Variants in RP1 observed in about 807,000 individuals in gnomAD.
RP1 encodes RP1 axonemal microtubule associated, also known as oxygen-regulated protein 1.
In RP1, 16 loss-of-function variants were observed where a neutral mutation model predicts 14.8. That is an observed-to-expected ratio of 1.08 (90% CI 0.73 to 1.65). RP1 has a LOEUF of 1.65. RP1 is among the 40% of genes most tolerant of loss of function. RP1 has a pLI of 0.00. For synonymous variants in RP1, 876 were observed against 883.6 expected (o/e 0.99, Z 0.15); for missense variants, 2,631 against 2,535.0 (o/e 1.04, Z -0.81).
intron 25 of RP1, among the ~76,000 whole-genome samples, chr8:54,843,642 T>TA (rs141585872): frequency 9.2e-5 from 14 of 152,318 alleles, no homozygotes; most frequent in African/African-American, 3.1e-4. Context: ...GAGAAAGCAC[T>TA]AAAACGGTTC....
chr8:54,727,468 G>A (rs568513015), intron 17 of RP1, among the ~76,000 whole-genome samples: 8 of 152,134 alleles, frequency 5.3e-5, no homozygotes, highest in Admixed American at 5.2e-4. Context: ...AATCCCTGGG[G>A]GATAGATACT....
At chr8:54,764,700 C>CA (rs1809720169) in intron 22 of RP1, among the ~76,000 whole-genome samples, 1 of 152,134 alleles carries the variant, frequency 6.6e-6, no homozygotes, top group African/African-American at 2.4e-5. Flanking sequence ...TAAATTCAAC[C>CA]AAAATGCATG....
chr8:54,612,393 A>G (rs1472406005), upstream of RP1, among the ~76,000 whole-genome samples: 3 of 152,254 alleles, frequency 2.0e-5, no homozygotes, highest in African/African-American at 7.2e-5. Context: ...AGTAGTCACT[A>G]TAGCACTAAT....
At chr8:54,741,749 A>ATATATATG (rs1809103969) in intron 19 of RP1, among the ~76,000 whole-genome samples, 1 of 130,618 alleles carries the variant, frequency 7.7e-6, no homozygotes. Context: ...ATATATATAT[A>ATATATATG]TGTTTATATG....
chr8:54,836,850 T>C (rs914798440), intron 24 of RP1, among the ~76,000 whole-genome samples: 7 of 139,462 alleles, frequency 5.0e-5, no homozygotes, highest in Admixed American at 2.1e-4. Context: ...ATGCAGTACA[T>C]AATTGATCAA....
intron 1 of RP1, among the ~76,000 whole-genome samples, chr8:54,570,440 A>C (rs1240256165): frequency 6.6e-6 from 1 of 151,122 alleles, no homozygotes; most frequent in African/African-American, 2.4e-5. Flanking sequence ...GTGATTCACC[A>C]GCCTCAGCCT....
intron 24 of RP1, among the ~76,000 whole-genome samples, chr8:54,836,690 C>A (rs10087883): frequency 6.6e-6 from 1 of 151,880 alleles, no homozygotes; most frequent in Non-Finnish European, 1.5e-5. Flanking sequence ...CACCCAGTGC[C>A]TTGATCTCAG....
At chr8:54,860,063 G>C (rs968076363) in intron 27 of RP1, among the ~76,000 whole-genome samples, 1 of 152,152 alleles carries the variant, frequency 6.6e-6, no homozygotes, top group South Asian at 2.1e-4. Context: ...GGCAAAGGAA[G>C]GAGAATTAGG....
intron 3 of RP1, among the ~76,000 whole-genome samples, chr8:54,624,443 C>CAAAAAAAAAAAAAAAAAAAAAAAAAAAA (rs11332494): frequency 7.1e-5 from 4 of 56,590 alleles, no homozygotes; most frequent in South Asian, 8.3e-4. Flanking sequence ...GACTCTGTCT[C>CAAAAAAAAAAAAAAAAAAAAAAAAAAAA]AAAAAAAAAA....
At chr8:54,585,321 G>A (rs1036436897) in intron 1 of RP1, among the ~76,000 whole-genome samples, 1 of 152,124 alleles carries the variant, frequency 6.6e-6, no homozygotes, top group Non-Finnish European at 1.5e-5. Flanking sequence ...GTTGAATATT[G>A]GCCTCCTGTC....
intron 24 of RP1, among the ~76,000 whole-genome samples, chr8:54,806,113 G>A (rs916722157): frequency 1.3e-5 from 2 of 152,104 alleles, no homozygotes; most frequent in Non-Finnish European, 2.9e-5. Flanking sequence ...TCGCCTCCCG[G>A]ATTCAAGGGA....
intron 16 of RP1, among the ~76,000 whole-genome samples, chr8:54,723,720 T>C (rs538280337): frequency 3.9e-5 from 6 of 152,320 alleles, no homozygotes; most frequent in African/African-American, 1.4e-4. Flanking sequence ...TATAATTCCG[T>C]AGAGTAAGAC....
At position 54,629,649 on chromosome 8, in the gene RP1, G is replaced by C. The variant is rs1356685418; in HGVS notation, c.5767G>C (p.Val1923Leu). The stretch of plus-strand genomic sequence containing the variant: ...TGGTCAACATTGCCCAATACTAACT[G>C]TTATTATCCAACCCATGAATGAGGA... ...LCGQHCPILT[V>L]IIQPMNEEDR... The change falls in exon 4 of 4, where the codon GTT becomes CTT. Residue 1923 changes from valine to leucine, a missense_variant. By Grantham distance (32) the Val-to-Leu change is conservative (BLOSUM62 1). Transcript: ENST00000220676. 1 of 1,613,848 alleles carries C rather than the reference G, an allele frequency of 6.2e-7. No homozygotes were observed. Among genetic ancestry groups the C allele is most frequent in the Non-Finnish European group, 8.5e-7 (1 of 1,179,972 alleles).
chr8:54,716,002 G>C (rs1372462744), intron 15 of RP1, among the ~76,000 whole-genome samples: 4 of 152,176 alleles, frequency 2.6e-5, no homozygotes, highest in Non-Finnish European at 4.4e-5. Flanking sequence ...AATTCCTTGA[G>C]ATCTTTAATG....
intron 1 of RP1, among the ~76,000 whole-genome samples, chr8:54,589,082 T>C (rs1475890526): frequency 1.3e-5 from 2 of 152,152 alleles, no homozygotes; most frequent in African/African-American, 4.8e-5. Flanking sequence ...TTCCTAGAGA[T>C]AGATGTCTAG....
intron 27 of RP1, among the ~76,000 whole-genome samples, chr8:54,863,313 TAA>T (rs942823469): frequency 8.5e-5 from 13 of 152,256 alleles, no homozygotes; most frequent in African/African-American, 3.1e-4. Context: ...GGTTATAGCC[TAA>T]GAGTATAGGC....
At chr8:54,578,401 T>C (rs754562969) in intron 1 of RP1, among the ~76,000 whole-genome samples, 4 of 151,914 alleles carry the variant, frequency 2.6e-5, no homozygotes, top group Non-Finnish European at 5.9e-5. Flanking sequence ...AGAGATGGAG[T>C]CTTGCTATGT....
intron 27 of RP1, among the ~76,000 whole-genome samples, chr8:54,861,766 C>G (rs1462439903): frequency 1.3e-5 from 2 of 152,062 alleles, no homozygotes; most frequent in Non-Finnish European, 2.9e-5. Flanking sequence ...CCATGCCCAG[C>G]TAATTTTTTG....
At chr8:54,729,314 T>G (rs1808735935) in intron 17 of RP1, among the ~76,000 whole-genome samples, 1 of 152,178 alleles carries the variant, frequency 6.6e-6, no homozygotes, top group East Asian at 1.9e-4. Flanking sequence ...CTGTTTGTGG[T>G]GGCATGTTCT....
Sources: allele counts gnomAD v4.1 joint callset (sites outside exome capture counted in the v4.1 genomes callset), GRCh38; gene constraint gnomAD v4.1.1; transcripts MANE v1.5; gene names NCBI Gene and HGNC (gene_info 2026-07-23, HGNC 2026-07-21).